The following SLC14A2 variants were observed in gnomAD, a reference collection of about 807,000 sequenced individuals.
SLC14A2 encodes urea transporter 2.
Under a neutral mutation model 104.6 loss-of-function variants are expected in SLC14A2, and 91 were observed. The ratio of observed to expected loss-of-function variants is 0.87; its 90% CI spans 0.73 to 1.04. SLC14A2 has a LOEUF of 1.04. SLC14A2 is among the 50% of genes least tolerant of loss of function. The probability of loss-of-function intolerance (pLI) is 0.00; values close to 1 mark genes in which losing one functional copy is unlikely to be tolerated. For missense variants in SLC14A2, 1,189 were observed against 1,156.0 expected (o/e 1.03, Z -0.41); for synonymous variants, 476 against 466.4 (o/e 1.02, Z -0.27).
intron 1 of SLC14A2, among the ~76,000 whole-genome samples, chr18:45,280,940 A>G (rs1327497029): frequency 2.6e-5 from 4 of 151,738 alleles, no homozygotes; most frequent in African/African-American, 9.7e-5. Context: ...TCCACTTCGA[A>G]AAGAATTCCT....
Position 45,621,015 on chromosome 18 carries a change from G to A in SLC14A2, c.-34-3616G>A, listed in dbSNP as rs770807495. Among the ~76,000 whole-genome samples, 26 of 152,222 alleles carry A rather than the reference G, an allele frequency of 1.7e-4. 1 individual carries two copies. The highest frequency in any genetic ancestry group is 3.1e-4 in the African/African-American group (13 of 41,532). On this transcript the variant is annotated intron_variant, in intron 1 of 19. Coordinates refer to ENST00000255226, the MANE Select transcript of SLC14A2 (RefSeq NM_007163.4). ...ACTGAATTTAACACAAGGCCTTTCC[G>A]GAACATATCTAGTTCATCCAGTTGT...
At chr18:45,220,562 T>C (rs2084051863) in intron 1 of SLC14A2, among the ~76,000 whole-genome samples, 1 of 152,134 alleles carries the variant, frequency 6.6e-6, no homozygotes. Context: ...TGTCTGTCTT[T>C]CTGTTGTCAC....
rs112186150 is a variant in SLC14A2, at chr18:45,425,171, G to A, written c.-124-58062G>A. ...CATAAGAAGCTTCTAAATATGCCAT[G>A]GACAAATGGTCCTGGCAATGGTAAT... is the stretch of plus-strand genomic sequence containing the variant. On this transcript the variant is annotated intron_variant, in intron 1 of 20. Coordinates refer to the SLC14A2 transcript ENST00000586448. Among the ~76,000 whole-genome samples, 1,043 of 152,278 alleles carry A rather than the reference G, an allele frequency of 6.8e-3. 10 individuals carry two copies. Among genetic ancestry groups the A allele is most frequent in the African/African-American group, 0.024 (989 of 41,572 alleles).
At chr18:45,549,473 T>C (rs889589121) in intron 2 of SLC14A2, among the ~76,000 whole-genome samples, 1 of 152,186 alleles carries the variant, frequency 6.6e-6, no homozygotes, top group African/African-American at 2.4e-5. Context: ...AGACAGCTTG[T>C]TCAAGCGCAC....
intron 1 of SLC14A2, among the ~76,000 whole-genome samples, chr18:45,380,059 A>G (rs1463685000): frequency 6.6e-6 from 1 of 152,222 alleles, no homozygotes; most frequent in Non-Finnish European, 1.5e-5. Context: ...AATTTTTCAG[A>G]TGACTCATTC....
intron 1 of SLC14A2, among the ~76,000 whole-genome samples, chr18:45,326,155 C>T (rs1300668195): frequency 6.6e-6 from 1 of 152,122 alleles, no homozygotes; most frequent in African/African-American, 2.4e-5. Context: ...CAAAATGGTG[C>T]CATTTGTTTT....
intron 1 of SLC14A2, among the ~76,000 whole-genome samples, chr18:45,350,823 T>A (rs1953164900): frequency 6.6e-6 from 1 of 150,704 alleles, no homozygotes; most frequent in Non-Finnish European, 1.5e-5. Context: ...AGCACCATAA[T>A]AAAGAAGACA....
rs1391470793 is a variant in SLC14A2 at position 45,514,284 on chromosome 18, C to T, written c.-35+30962C>T. Among the ~76,000 whole-genome samples, 3 of 152,206 alleles carry T rather than the reference C, an allele frequency of 2.0e-5. No individual in the cohort carries two copies. The East Asian group carries it at 5.8e-4, about 29-fold the overall frequency. On this transcript the variant is annotated intron_variant, in intron 2 of 20. Transcript: ENST00000586448. ...TGAAGGAGAAGCAGGCACATCTTCA[C>T]ATGACTGACGGGAGAGAGATAGCAT...
chr18:45,187,173 A>G, the SLC14A2 span, among the ~76,000 whole-genome samples: 5 of 152,280 alleles, frequency 3.3e-5, no homozygotes, highest in South Asian at 6.2e-4. Context: ...TTTGGTGACT[A>G]TGGCAGAAAC....
chr18:45,201,351 A>AT, the SLC14A2 span, among the ~76,000 whole-genome samples: 1 of 152,106 alleles, frequency 6.6e-6, no homozygotes, highest in Non-Finnish European at 1.5e-5. Flanking sequence ...CACATCAATT[A>AT]TTTGGAATTG....
chr18:45,555,576 T>A (rs929914625), intron 2 of SLC14A2, among the ~76,000 whole-genome samples: 2 of 152,126 alleles, frequency 1.3e-5, no homozygotes, highest in Non-Finnish European at 1.5e-5. Context: ...CATAAACCAA[T>A]CTTAGAATTC....
chr18:45,550,865 T>C (rs566809523), intron 2 of SLC14A2, among the ~76,000 whole-genome samples: 2 of 152,118 alleles, frequency 1.3e-5, no homozygotes, highest in Non-Finnish European at 2.9e-5. Flanking sequence ...AGCTGAGAGA[T>C]ACAGTGCCAA....
chr18:45,208,828 G>A (rs2083936563), upstream of SLC14A2, among the ~76,000 whole-genome samples: 1 of 151,974 alleles, frequency 6.6e-6, no homozygotes, highest in South Asian at 2.1e-4. Context: ...AGGGGTTTGG[G>A]AGACCTGTTG....
intron 1 of SLC14A2, among the ~76,000 whole-genome samples, chr18:45,403,117 G>T (rs1221016831): frequency 2.6e-5 from 4 of 152,136 alleles, no homozygotes; most frequent in Non-Finnish European, 5.9e-5. Context: ...GTTAGTTTCT[G>T]GTGAAGACTC....
chr18:45,475,461 G>T (rs2087341737), intron 1 of SLC14A2, among the ~76,000 whole-genome samples: 1 of 151,418 alleles, frequency 6.6e-6, no homozygotes, highest in East Asian at 1.9e-4. Flanking sequence ...TGACAGTGGG[G>T]TGTTAATACA....
At chr18:45,193,671 T>A in the SLC14A2 span, among the ~76,000 whole-genome samples, 1 of 152,222 alleles carries the variant, frequency 6.6e-6, no homozygotes, top group Admixed American at 6.5e-5. Flanking sequence ...TATTCTTCTT[T>A]TTCAAAGTCG....
chr18:45,549,240 G>A (rs1481249788), intron 2 of SLC14A2, among the ~76,000 whole-genome samples: 1 of 152,250 alleles, frequency 6.6e-6, no homozygotes, highest in Non-Finnish European at 1.5e-5. Context: ...TCTGCCTTCG[G>A]TGGATTCCTG....
intron 1 of SLC14A2, among the ~76,000 whole-genome samples, chr18:45,390,183 A>G (rs1467658569): frequency 2.6e-5 from 4 of 152,178 alleles, no homozygotes. Flanking sequence ...GAGCACTGGG[A>G]GAAAACCAAG....
the SLC14A2 span, among the ~76,000 whole-genome samples, chr18:45,198,573 G>T: frequency 2.6e-5 from 4 of 151,966 alleles, no homozygotes; most frequent in Non-Finnish European, 5.9e-5. Flanking sequence ...ATATACTTTT[G>T]CTTTACTTCT....
Sources: gnomAD v4.1 joint callset for allele counts (sites outside exome capture counted in the v4.1 genomes callset) on GRCh38, gnomAD v4.1.1 for gene constraint, MANE v1.5 for transcripts, NCBI Gene and HGNC (gene_info 2026-07-23, HGNC 2026-07-21) for gene names.